The following GALNTL6 variants were observed in gnomAD, a reference collection of about 807,000 sequenced individuals.
GALNTL6 encodes polypeptide N-acetylgalactosaminyltransferase like 6.
A neutral mutation model predicts 73.7 loss-of-function variants in GALNTL6; 46 were observed. That is an observed-to-expected ratio of 0.62 (90% CI 0.49 to 0.80). GALNTL6 has a LOEUF of 0.80. GALNTL6 is among the 30% of genes least tolerant of loss of function. GALNTL6 has a pLI of 0.00. For missense variants in GALNTL6, 604 were observed against 755.0 expected, an observed-to-expected ratio of 0.80 and a Z score of 2.34; for synonymous variants, 259 against 263.7, an observed-to-expected ratio of 0.98 and a Z score of 0.17.
At chr4:172,533,345 G>A (rs1272257969) in intron 5 of GALNTL6, among the ~76,000 whole-genome samples, 1 of 10,722 alleles carries the variant, frequency 9.3e-5, no homozygotes, top group East Asian at 4.8e-3. Context: ...TTTTTTTTGA[G>A]ATGGAGTCTC....
At chr4:171,874,566 T>G (rs1323270311) in intron 2 of GALNTL6, among the ~76,000 whole-genome samples, 1 of 152,186 alleles carries the variant, frequency 6.6e-6, no homozygotes, top group East Asian at 1.9e-4. Context: ...TTGGGCTATG[T>G]ATTTATTCCT....
intron 3 of GALNTL6, among the ~76,000 whole-genome samples, chr4:172,293,347 T>C (rs1241964420): frequency 6.6e-6 from 1 of 152,188 alleles, no homozygotes; most frequent in Non-Finnish European, 1.5e-5. Context: ...CATATGTTCT[T>C]ATAAGGCATT....
intron 5 of GALNTL6, among the ~76,000 whole-genome samples, chr4:172,371,677 G>T (rs987569628): frequency 1.3e-5 from 2 of 150,612 alleles, no homozygotes; most frequent in African/African-American, 4.9e-5. Flanking sequence ...TCCTCTCTCT[G>T]TCTCTTCCTC....
intron 5 of GALNTL6, among the ~76,000 whole-genome samples, chr4:172,396,554 C>T (rs577790897): frequency 6.6e-6 from 1 of 152,112 alleles, no homozygotes; most frequent in African/African-American, 2.4e-5. Context: ...AGTGCCCAAA[C>T]TCAGTGATAT....
intron 2 of GALNTL6, among the ~76,000 whole-genome samples, chr4:172,087,470 AAAAAAAC>A (rs1732082616): frequency 3.3e-5 from 5 of 150,452 alleles, no homozygotes; most frequent in South Asian, 2.1e-4. Context: ...AAAAAAAACA[AAAAAAAC>A]AAAATAGAGC....
intron 2 of GALNTL6, among the ~76,000 whole-genome samples, chr4:172,188,698 G>A (rs1356870286): frequency 6.6e-6 from 1 of 152,212 alleles, no homozygotes; most frequent in Non-Finnish European, 1.5e-5. Context: ...ATGATAGTGA[G>A]GCAGTCGCCA....
intron 2 of GALNTL6, among the ~76,000 whole-genome samples, chr4:172,125,086 CA>C (rs1317054829): frequency 2.0e-5 from 3 of 151,906 alleles, no homozygotes; most frequent in African/African-American, 7.3e-5. Context: ...CACAGCCAAG[CA>C]AAAAGATGTA....
chr4:172,471,801 G>A (rs1442475078), intron 5 of GALNTL6, among the ~76,000 whole-genome samples: 2 of 152,186 alleles, frequency 1.3e-5, no homozygotes, highest in African/African-American at 4.8e-5. Context: ...GAAAGTAAGA[G>A]CTCACTATTT....
At chr4:172,227,877 C>A (rs1272436854) in intron 2 of GALNTL6, among the ~76,000 whole-genome samples, 1 of 152,100 alleles carries the variant, frequency 6.6e-6, no homozygotes, top group Non-Finnish European at 1.5e-5. Context: ...AGCTTAAACG[C>A]TGGAGTTTAC....
chr4:172,297,867 A>T (rs1358024967), intron 3 of GALNTL6, among the ~76,000 whole-genome samples: 1 of 152,026 alleles, frequency 6.6e-6, no homozygotes, highest in Non-Finnish European at 1.5e-5. Context: ...ATTTTAAAGT[A>T]GTTTTTTCCA....
At chr4:172,133,396 T>C (rs1476377567) in intron 2 of GALNTL6, among the ~76,000 whole-genome samples, 3 of 152,226 alleles carry the variant, frequency 2.0e-5, no homozygotes, top group Non-Finnish European at 4.4e-5. Context: ...TTGGAAGTAA[T>C]AAATAGATTA....
chr4:172,863,019 C>T (rs1744476954), intron 7 of GALNTL6, among the ~76,000 whole-genome samples: 1 of 152,212 alleles, frequency 6.6e-6, no homozygotes, highest in Admixed American at 6.5e-5. Flanking sequence ...GGTACAGGCC[C>T]CAAGTCTTGG....
intron 5 of GALNTL6, among the ~76,000 whole-genome samples, chr4:172,733,319 T>A (rs1029197264): frequency 6.6e-6 from 1 of 152,200 alleles, no homozygotes; most frequent in African/African-American, 2.4e-5. Context: ...CCTTATATAT[T>A]ACTTGATTAT....
At chr4:172,235,122 G>A (rs990713110) in intron 3 of GALNTL6, among the ~76,000 whole-genome samples, 4 of 150,980 alleles carry the variant, frequency 2.6e-5, no homozygotes, top group African/African-American at 9.7e-5. Flanking sequence ...TGCCTGCAAT[G>A]CTTAAATTTA....
chr4:172,970,980 A>G (rs943116234), intron 10 of GALNTL6, among the ~76,000 whole-genome samples: 2 of 152,208 alleles, frequency 1.3e-5, no homozygotes, highest in Admixed American at 1.3e-4. Flanking sequence ...GAAAGTATTA[A>G]TGTGGGGAGC....
intron 5 of GALNTL6, among the ~76,000 whole-genome samples, chr4:172,544,044 G>T (rs1200750470): frequency 6.6e-6 from 1 of 152,172 alleles, no homozygotes; most frequent in Non-Finnish European, 1.5e-5. Flanking sequence ...GGAGCCAGGA[G>T]TTCAACTCAA....
chr4:172,138,494 TATATATATATATATATA>T (rs1733703027), intron 2 of GALNTL6, among the ~76,000 whole-genome samples: 2 of 8,492 alleles, frequency 2.4e-4, no homozygotes, highest in African/African-American at 6.7e-4. Flanking sequence ...TATATATATA[TATATATATATATATATA>T]TATTTTTTTT....
chr4:172,980,569 T>C (rs140922164), intron 10 of GALNTL6, among the ~76,000 whole-genome samples: 142 of 152,270 alleles, frequency 9.3e-4, no homozygotes, highest in African/African-American at 3.2e-3. Context: ...GCGAGGGCTG[T>C]CTTCCCACCT....
chr4:171,861,763 C>T (rs1735835630), intron 2 of GALNTL6, among the ~76,000 whole-genome samples: 1 of 152,070 alleles, frequency 6.6e-6, no homozygotes, highest in Non-Finnish European at 1.5e-5. Flanking sequence ...TTTATAAAAA[C>T]AAATATCATT....
Sources: gnomAD v4.1 joint callset for allele counts (sites outside exome capture counted in the v4.1 genomes callset) on GRCh38, gnomAD v4.1.1 for gene constraint, MANE v1.5 for transcripts, NCBI Gene and HGNC (gene_info 2026-07-23, HGNC 2026-07-21) for gene names.